Variants in EPN2 observed in about 807,000 individuals in gnomAD.
EPN2 encodes epsin-2.
Under a neutral mutation model 61.7 loss-of-function variants are expected in EPN2, and 34 were observed. That is an observed-to-expected ratio of 0.55 (90% CI 0.42 to 0.73). EPN2 has a LOEUF of 0.73. EPN2 is among the 30% of genes least tolerant of loss of function. The probability of loss-of-function intolerance (pLI) is 0.00; values close to 1 mark genes in which losing one functional copy is unlikely to be tolerated. For missense variants in EPN2, 714 were observed against 839.2 expected (o/e 0.85, Z 1.84); for synonymous variants, 349 against 353.6 (o/e 0.99, Z 0.15).
rs749166166 is a variant in EPN2 at position 19,285,540 on chromosome 17, C to T, written c.596-80C>T. On this transcript the variant is annotated intron_variant, in intron 3 of 10. Coordinates refer to ENST00000314728, the MANE Select transcript of EPN2 (RefSeq NM_014964.5). This position sits in a 1 kb window ranked among gnomAD's most constrained non-coding sequence, Gnocchi z 4.5. ...CGGGGTTGACCCCGAGTGGCCTTGG[C>T]CCGTACCTCCTGCAGGGGCTGCTGC... 4.3e-6 allele frequency: 6 copies of T among 1,382,436 alleles called. No individual in the cohort carries two copies. Among genetic ancestry groups the T allele is most frequent in the Non-Finnish European group, 5.6e-6 (6 of 1,065,042 alleles). 85.6% of individuals were successfully genotyped at this position (1,382,436 alleles called of 1,614,324 possible).
In EPN2 at chr17:19,297,626, G is replaced by A. The variant is rs143217217; in HGVS notation, c.766+11836G>A. Reference sequence around the variant, plus strand: ...GTGGTGTTCAGGCAGGCAGTGCAGAGTGGCTGTAAACTATGGAGCTGCTGT... The same window carrying A: ...GTGGTGTTCAGGCAGGCAGTGCAGAATGGCTGTAAACTATGGAGCTGCTGT... On this transcript the variant is annotated intron_variant, in intron 4 of 10. Coordinates refer to ENST00000314728, the MANE Select transcript of EPN2 (RefSeq NM_014964.5). 9.7e-3 allele frequency among the ~76,000 whole-genome samples: 1,481 copies of A among 152,248 alleles called. 14 individuals are homozygous for A. Among genetic ancestry groups the A allele is most frequent in the African/African-American group, 0.033 (1,372 of 41,546 alleles).
intron 1 of EPN2, among the ~76,000 whole-genome samples, chr17:19,270,478 C>T (rs72836765): frequency 0.048 from 7,271 of 152,324 alleles, 225 homozygotes; most frequent in East Asian, 0.11. Context: ...TGTAGGCTTT[C>T]ATCTCCTGCC....
chr17:19,283,812 A>G lies in EPN2; in HGVS notation c.595+98A>G. 1.1e-6 allele frequency: 1 copy of G among 898,194 alleles called. No individual in the cohort carries two copies. The highest frequency in any genetic ancestry group is 1.6e-6 in the Non-Finnish European group (1 of 607,488). The allele number at this position is 898,194 out of a possible 1,614,324, so 55.6% of individuals were successfully genotyped here. On this transcript the variant is annotated intron_variant, in intron 3 of 10. Coordinates refer to ENST00000314728, the MANE Select transcript of EPN2 (RefSeq NM_014964.5). This position sits in a 1 kb window ranked among gnomAD's most constrained non-coding sequence, Gnocchi z 7.0. ...GGGCTTAGGGAGTGGTGGCCACTGCAGAGCTCGAACCTGTCCTCAGTACCC... is the reference window on the plus strand; with the variant it reads ...GGGCTTAGGGAGTGGTGGCCACTGCGGAGCTCGAACCTGTCCTCAGTACCC...
rs1907426550 is a variant in EPN2 at position 19,336,144 on chromosome 17, G to A, written c.*1890G>A. ...CGCCCTCTCCAGTCCCAGGAGCCGT[G>A]TCTAGAGTTCCTGACCAGCCACCTT... On this transcript the variant is annotated 3_prime_UTR_variant, in exon 11 of 11. Coordinates refer to ENST00000314728, the MANE Select transcript of EPN2 (RefSeq NM_014964.5). 1 of 152,302 alleles carries A rather than the reference G, an allele frequency of 6.6e-6. No homozygotes were observed. The highest frequency in any genetic ancestry group is 2.4e-5 in the African/African-American group (1 of 41,458). The allele number at this position is 152,302 out of a possible 1,614,324, so 9.4% of individuals were successfully genotyped here. A position where few individuals can be genotyped will look rare whatever the true frequency, so the allele number is the denominator to read the frequency against.
intron 1 of EPN2, among the ~76,000 whole-genome samples, chr17:19,252,562 G>T (rs1470793947): frequency 1.3e-5 from 2 of 152,142 alleles, no homozygotes; most frequent in African/African-American, 4.8e-5. Flanking sequence ...ATCTCTAACA[G>T]ATAATGGACT....
chr17:19,243,731 G>C (rs1331318497), intron 1 of EPN2, among the ~76,000 whole-genome samples: 1 of 152,100 alleles, frequency 6.6e-6, no homozygotes, highest in African/African-American at 2.4e-5. Flanking sequence ...TAGAGATGGG[G>C]TTTTACCACG....
In EPN2 at chr17:19,335,138, T is replaced by C. The variant is rs573894065; in HGVS notation, c.*884T>C. Reference sequence around the variant, plus strand: ...GCAAATTCTTTATAGGAAGAAAATATGGGAATTTGATTACACATAGATGAT... The same window carrying C: ...GCAAATTCTTTATAGGAAGAAAATACGGGAATTTGATTACACATAGATGAT... On this transcript the variant is annotated 3_prime_UTR_variant, in exon 11 of 11. Transcript: ENST00000314728. 3.5e-5 allele frequency: 10 copies of C among 285,686 alleles called. No individual in the cohort carries two copies. The East Asian group carries it at 4.6e-4, about 13-fold the overall frequency. The allele number at this position is 285,686 out of a possible 1,614,324, so 17.7% of individuals were successfully genotyped here. A position where few individuals can be genotyped will look rare whatever the true frequency, so the allele number is the denominator to read the frequency against.
At chr17:19,323,365 T>G (rs896493184) in intron 7 of EPN2, among the ~76,000 whole-genome samples, 1 of 152,152 alleles carries the variant, frequency 6.6e-6, no homozygotes, top group Admixed American at 6.5e-5. Flanking sequence ...CTAACACATA[T>G]CTGTTTGGAG....
Position 19,312,067 on chromosome 17 carries a change from C to G in EPN2, c.895C>G (p.Arg299Gly). Residue 299 changes from arginine (R) to glycine (G), a missense_variant, in exon 6 of 11, where the codon CGG becomes GGG. By Grantham distance (125) the Arg-to-Gly change is moderately radical (BLOSUM62 -2). Around this residue, in one of 2 missense-constraint regions of EPN2, gnomAD observed 304 missense variants for 417.4 expected, o/e 0.73. Transcript: ENST00000314728. ...CCCTCTACAGGAAGAACGCCTCAGG[C>G]GGGGTGATGACCTCAGATTACAGAT... The part of the protein sequence containing the change: ...EVAEQEERLR[R>G]GDDLRLQMAL... 1 of 1,613,484 alleles carries G rather than the reference C, an allele frequency of 6.2e-7. No homozygotes were observed. Among genetic ancestry groups the G allele is most frequent in the Non-Finnish European group, 8.5e-7 (1 of 1,179,364 alleles).
chr17:19,306,442 A>G (rs774432667), intron 4 of EPN2, among the ~76,000 whole-genome samples: 3 of 152,252 alleles, frequency 2.0e-5, no homozygotes, highest in African/African-American at 4.8e-5. Flanking sequence ...AAAGCTGTAC[A>G]TCCGTTTATG....
intron 7 of EPN2, among the ~76,000 whole-genome samples, chr17:19,317,837 G>A (rs943690929): frequency 3.3e-5 from 5 of 152,082 alleles, no homozygotes; most frequent in Non-Finnish European, 7.4e-5. Context: ...TTGCCTCCCC[G>A]AGCCAGCAGG....
intron 7 of EPN2, 28 bp downstream of exon 7, chr17:19,313,307 G>T: frequency 1.3e-6 from 2 of 1,496,846 alleles, no homozygotes; most frequent in Non-Finnish European, 1.8e-6. Context: ...GGTCTCCCGT[G>T]CTTGCCTGCT....
At chr17:19,300,388 T>TAA (rs1421712754) in intron 4 of EPN2, among the ~76,000 whole-genome samples, 1 of 151,086 alleles carries the variant, frequency 6.6e-6, no homozygotes, top group African/African-American at 2.4e-5. Context: ...GGATTTAAGG[T>TAA]AAGTATGTGC....
At chr17:19,254,116 A>G (rs1180190949) in intron 1 of EPN2, among the ~76,000 whole-genome samples, 1 of 145,792 alleles carries the variant, frequency 6.9e-6, no homozygotes, top group Non-Finnish European at 1.5e-5. Flanking sequence ...TGGGCGACAG[A>G]GCAAGAATCT....
intron 1 of EPN2, among the ~76,000 whole-genome samples, chr17:19,240,130 TC>T (rs1376700259): frequency 6.6e-6 from 1 of 152,216 alleles, no homozygotes; most frequent in Non-Finnish European, 1.5e-5. Context: ...TTCTCACTGT[TC>T]CCCATAACCT....
At chr17:19,298,781 C>T (rs1373418139) in intron 4 of EPN2, among the ~76,000 whole-genome samples, 1 of 152,188 alleles carries the variant, frequency 6.6e-6, no homozygotes, top group Non-Finnish European at 1.5e-5. Flanking sequence ...TTATTGTGTA[C>T]GTTACATATG....
intron 1 of EPN2, among the ~76,000 whole-genome samples, chr17:19,268,042 C>T (rs1173656019): frequency 6.6e-6 from 1 of 152,210 alleles, no homozygotes; most frequent in African/African-American, 2.4e-5. Context: ...CTGCCGCAGC[C>T]TCTGCATTCC....
intron 1 of EPN2, among the ~76,000 whole-genome samples, chr17:19,251,408 G>A (rs139684128): frequency 6.6e-4 from 101 of 152,192 alleles, no homozygotes; most frequent in African/African-American, 2.3e-3. Context: ...TGTTAAAAGC[G>A]TTTCAGTGGA....
At chr17:19,257,919 T>A (rs2045099302) in intron 1 of EPN2, 1 of 152,312 alleles carries the variant, frequency 6.6e-6, no homozygotes, top group Non-Finnish European at 1.5e-5. Context: ...CTTGACTGGC[T>A]ATACTGGGAA....
Sources: gnomAD v4.1 joint callset for allele counts (sites outside exome capture counted in the v4.1 genomes callset) on GRCh38, gnomAD v4.1.1 for gene constraint, gnomAD v4.1.1 regional missense constraint, Gnocchi (gnomAD v3.1) non-coding constraint, MANE v1.5 for transcripts, NCBI Gene and HGNC (gene_info 2026-07-23, HGNC 2026-07-21) for gene names.